Variants in OPRD1 observed in about 807,000 individuals in gnomAD.
OPRD1 encodes the protein opioid receptor delta 1, also known as delta-type opioid receptor.
In OPRD1, 19 loss-of-function variants were observed where a neutral mutation model predicts 17.5. The observed-to-expected ratio is 1.09, with a 90% CI of 0.76 to 1.60. The LOEUF is 1.60. Ranked by LOEUF, OPRD1 falls within the 40% of genes most tolerant of loss-of-function variation. The pLI is 0.00. For missense variants in OPRD1, 483 were observed against 547.2 expected, an observed-to-expected ratio of 0.88 and a Z score of 1.17; for synonymous variants, 256 against 240.9, an observed-to-expected ratio of 1.06 and a Z score of -0.58.
At chr1:28,858,334 T>A (rs2089077657) in intron 1 of OPRD1, among the ~76,000 whole-genome samples, 1 of 150,782 alleles carries the variant, frequency 6.6e-6, no homozygotes, top group South Asian at 2.1e-4. Context: ...CAGGATGGTC[T>A]CGATCTCCTG....
intron 2 of OPRD1, among the ~76,000 whole-genome samples, chr1:28,860,864 C>T (rs1302404676): frequency 6.6e-6 from 1 of 152,312 alleles, no homozygotes; most frequent in East Asian, 1.9e-4. Flanking sequence ...GGCAGAGTCC[C>T]TGGTGCCCTT....
intron 1 of OPRD1, among the ~76,000 whole-genome samples, chr1:28,853,932 G>T (rs553788812): frequency 1.3e-5 from 2 of 151,754 alleles, no homozygotes; most frequent in Middle Eastern, 3.4e-3. Context: ...GTAGAGATAG[G>T]GTTTTTCCAT....
chr1:28,828,197 GGGCT>G (rs1346025439), intron 1 of OPRD1, among the ~76,000 whole-genome samples: 1 of 152,112 alleles, frequency 6.6e-6, no homozygotes, highest in Admixed American at 6.5e-5. Context: ...CTTGATCCGT[GGGCT>G]ACAGAATGGA....
rs776544949 is a variant in OPRD1 at position 28,870,856 on chromosome 1, A to C, written c.*7573A>C. 1.3e-5 allele frequency: 2 copies of C among 152,178 alleles called. No homozygotes were observed. The highest frequency in any genetic ancestry group is 2.4e-5 in the African/African-American group (1 of 41,438). 9.4% of individuals were successfully genotyped at this position (152,178 alleles called of 1,614,324 possible). A position where few individuals can be genotyped will look rare whatever the true frequency, so the allele number is the denominator to read the frequency against. On this transcript the variant is annotated 3_prime_UTR_variant, in exon 3 of 3. Coordinates refer to ENST00000234961, the MANE Select transcript of OPRD1 (RefSeq NM_000911.4). ...GGGCTCATCTAGAATCTCCTCTCGG[A>C]ATGAGGAGACCGCAAATGTGGTTTT...
Position 28,869,733 on chromosome 1 carries a change from A to C in OPRD1, c.*6450A>C, listed in dbSNP as rs1432616432. On this transcript the variant is annotated 3_prime_UTR_variant, in exon 3 of 3. Coordinates refer to ENST00000234961, the MANE Select transcript of OPRD1 (RefSeq NM_000911.4). ...CACCCTGAGAGGAAATGCTCTGAGT[A>C]TACCGAGGGTCCTCAGGAGACTCTC... The C allele has an allele frequency of 6.6e-6, 1 of 152,226 alleles. No homozygotes were observed. The highest frequency in any genetic ancestry group is 6.5e-5 in the Admixed American group (1 of 15,272). 9.4% of individuals were successfully genotyped at this position (152,226 alleles called of 1,614,324 possible). A position where few individuals can be genotyped will look rare whatever the true frequency, so the allele number is the denominator to read the frequency against.
chr1:28,834,186 A>C (rs2088830568), intron 1 of OPRD1, among the ~76,000 whole-genome samples: 1 of 151,978 alleles, frequency 6.6e-6, no homozygotes, highest in Non-Finnish European at 1.5e-5. Flanking sequence ...TGCTGGGATT[A>C]CAGGCGTGAG....
At chr1:28,822,714 T>A (rs566133920) in intron 1 of OPRD1, among the ~76,000 whole-genome samples, 3 of 151,856 alleles carry the variant, frequency 2.0e-5, no homozygotes, top group South Asian at 4.2e-4. Context: ...GGTCTCGCAC[T>A]CCTGACCTCA....
chr1:28,827,447 A>T (rs1270903981), intron 1 of OPRD1, among the ~76,000 whole-genome samples: 1 of 152,116 alleles, frequency 6.6e-6, no homozygotes, highest in African/African-American at 2.4e-5. Flanking sequence ...CTCTTGCCTC[A>T]GTCTCCTGAG....
In OPRD1 at chr1:28,863,013, C is replaced by T. The variant is rs2147752458; in HGVS notation, c.849C>T (p.Val283=). Residue 283 remains valine (V), a synonymous_variant, in exon 3 of 3, where the codon GTC becomes GTT. Transcript: ENST00000234961. ...CWAPIHIFVI[V]WTLVDIDRRD... The stretch of plus-strand genomic sequence containing the variant: ...CGCCCATCCACATCTTCGTCATCGT[C>T]TGGACGCTGGTGGACATCGACCGGC... The T allele has an allele frequency of 6.2e-7, 1 of 1,609,592 alleles. No homozygotes were observed. Among genetic ancestry groups the T allele is most frequent in the African/African-American group, 1.3e-5 (1 of 74,972 alleles).
intron 1 of OPRD1, among the ~76,000 whole-genome samples, chr1:28,846,896 TCTTTC>T (rs1345218228): frequency 1.3e-4 from 5 of 38,548 alleles, no homozygotes; most frequent in Middle Eastern, 0.017. Flanking sequence ...CTTTCTTTTC[TCTTTC>T]TTTCTTTTTC....
At chr1:28,818,047 A>G (rs1397489451) in intron 1 of OPRD1, among the ~76,000 whole-genome samples, 11 of 152,090 alleles carry the variant, frequency 7.2e-5, no homozygotes, top group Non-Finnish European at 1.5e-4. Flanking sequence ...AATTGGGGCG[A>G]TATGACAGGT....
At chr1:28,817,678 A>G (rs2088680665) in intron 1 of OPRD1, among the ~76,000 whole-genome samples, 1 of 152,128 alleles carries the variant, frequency 6.6e-6, no homozygotes, top group Non-Finnish European at 1.5e-5. Context: ...TCCATGTCCC[A>G]GAGGTGTGGC....
At chr1:28,830,589 GA>G (rs60806739) in intron 1 of OPRD1, among the ~76,000 whole-genome samples, 2 of 152,132 alleles carry the variant, frequency 1.3e-5, no homozygotes, top group Admixed American at 1.3e-4. Context: ...ATATAATTAT[GA>G]AAAATTTGAA....
intron 1 of OPRD1, among the ~76,000 whole-genome samples, chr1:28,846,895 CTCTTTCTTTCTTTTTCTT>C (rs2088957034): frequency 2.6e-4 from 9 of 33,972 alleles, no homozygotes; most frequent in African/African-American, 3.8e-4. Context: ...TCTTTCTTTT[CTCTTTCTTTCTTTTTCTT>C]TCTTTCTTTC....
intron 1 of OPRD1, among the ~76,000 whole-genome samples, chr1:28,838,655 G>T (rs1003607613): frequency 6.6e-6 from 1 of 152,176 alleles, no homozygotes; most frequent in Non-Finnish European, 1.5e-5. Context: ...TGAGCAAGAA[G>T]AGAAGCCACT....
chr1:28,870,032 GA>G lies in OPRD1; in HGVS notation c.*6751del, dbSNP rs1331947142. On this transcript the variant is annotated 3_prime_UTR_variant, in exon 3 of 3. Coordinates refer to ENST00000234961, the MANE Select transcript of OPRD1 (RefSeq NM_000911.4). ...CAGCACTTAGCTGATGAGAAGTTGA[GA>G]AGATTCAGAAAGAGGCTATGAGTGA... is the stretch of plus-strand genomic sequence containing the variant. 2 of 152,188 alleles carry G rather than the reference GA, an allele frequency of 1.3e-5. No homozygotes were observed. The highest frequency in any genetic ancestry group is 4.8e-5 in the African/African-American group (2 of 41,462). 9.4% of individuals were successfully genotyped at this position (152,188 alleles called of 1,614,324 possible).
At chr1:28,836,036 TC>T (rs1462464971) in intron 1 of OPRD1, among the ~76,000 whole-genome samples, 5 of 152,200 alleles carry the variant, frequency 3.3e-5, no homozygotes, top group Non-Finnish European at 2.9e-5. Context: ...CAGACATCTC[TC>T]CTTCTAGGCT....
chr1:28,846,952 T>C (rs797409), intron 1 of OPRD1, among the ~76,000 whole-genome samples: 3 of 144,544 alleles, frequency 2.1e-5, no homozygotes, highest in Non-Finnish European at 4.6e-5. Context: ...TTCCTTTTCT[T>C]TCTCTTTCTC....
At chr1:28,833,333 G>A (rs1390235018) in intron 1 of OPRD1, among the ~76,000 whole-genome samples, 1 of 152,172 alleles carries the variant, frequency 6.6e-6, no homozygotes, top group Non-Finnish European at 1.5e-5. Context: ...TAGAGCGTGG[G>A]CTTTGGGTCT....
Sources: gnomAD v4.1 joint callset for allele counts (sites outside exome capture counted in the v4.1 genomes callset) on GRCh38, gnomAD v4.1.1 for gene constraint, MANE v1.5 for transcripts, NCBI Gene and HGNC (gene_info 2026-07-23, HGNC 2026-07-21) for gene names.